The following PPP2R2B variants were observed in gnomAD, a reference collection of about 807,000 sequenced individuals.
PPP2R2B encodes protein phosphatase 2 regulatory subunit Bbeta.
Under a neutral mutation model 46.0 loss-of-function variants are expected in PPP2R2B, and 5 were observed. That is an observed-to-expected ratio of 0.11 (90% confidence interval 0.06 to 0.23). The LOEUF is 0.23. PPP2R2B is among the 10% of genes least tolerant of loss of function. The pLI, the probability that PPP2R2B is intolerant of heterozygous loss-of-function variation, is 1.00. For synonymous variants in PPP2R2B, 215 were observed against 206.7 expected (o/e 1.04, Z -0.34); for missense variants, 367 against 575.0 (o/e 0.64, Z 3.70).
At chr5:146,767,073 G>C (rs558875575) in intron 2 of PPP2R2B, among the ~76,000 whole-genome samples, 4 of 124,974 alleles carry the variant, frequency 3.2e-5, no homozygotes, top group South Asian at 5.3e-4. Context: ...AAAAAAAAAA[G>C]GCTCAGCAGA....
intron 2 of PPP2R2B, among the ~76,000 whole-genome samples, chr5:146,830,277 T>A (rs922926054): frequency 2.0e-5 from 3 of 152,186 alleles, no homozygotes; most frequent in African/African-American, 7.2e-5. Context: ...ATAAGTAAAC[T>A]AAATAATTTA....
intron 2 of PPP2R2B, among the ~76,000 whole-genome samples, chr5:146,844,893 A>G (rs1759891330): frequency 6.6e-6 from 1 of 152,224 alleles, no homozygotes; most frequent in Non-Finnish European, 1.5e-5. Context: ...ACCTGAGGTC[A>G]AGGCAGTCTT....
chr5:146,929,472 C>G (rs1182287789), intron 1 of PPP2R2B, among the ~76,000 whole-genome samples: 1 of 151,498 alleles, frequency 6.6e-6, no homozygotes, highest in African/African-American at 2.4e-5. Context: ...TCAGGAGGAG[C>G]ATAGGTAAAA....
intron 1 of PPP2R2B, among the ~76,000 whole-genome samples, chr5:147,043,000 G>A (rs1354088336): frequency 6.6e-6 from 1 of 151,972 alleles, no homozygotes; most frequent in Admixed American, 6.6e-5. Context: ...AGGAGATCAG[G>A]GGCTAATACC....
chr5:146,593,813 C>G (rs1181277080), intron 8 of PPP2R2B, among the ~76,000 whole-genome samples: 1 of 152,086 alleles, frequency 6.6e-6, no homozygotes, highest in Non-Finnish European at 1.5e-5. Context: ...TTTACATAGG[C>G]CCTTTATTCT....
intron 4 of PPP2R2B, among the ~76,000 whole-genome samples, chr5:146,697,403 A>G (rs1031070305): frequency 2.0e-5 from 3 of 152,204 alleles, no homozygotes; most frequent in African/African-American, 7.2e-5. Flanking sequence ...TCTCTGACCT[A>G]TTTATGTCAA....
At position 146,591,386 on chromosome 5, in the gene PPP2R2B, G is replaced by GTGTC. The variant is rs1389106478; in HGVS notation, c.1053-1164_1053-1161dup. Among the ~76,000 whole-genome samples the GTGTC allele has an allele frequency of 2.6e-5, 4 of 152,178 alleles. No individual in the cohort carries two copies. In the South Asian group the frequency reaches 6.2e-4, roughly 24 times the overall value. ...GCTCATCAAACTGATACTGTGAACTGTGTCTGTGTACTCGAGTGGACTGTT... is the reference window on the plus strand; with the variant it reads ...GCTCATCAAACTGATACTGTGAACTGTGTCTGTCTGTGTACTCGAGTGGACTGTT... On this transcript the variant is annotated intron_variant, in intron 9 of 9. Coordinates refer to ENST00000394411, the MANE Select transcript of PPP2R2B (RefSeq NM_181675.4).
intron 4 of PPP2R2B, among the ~76,000 whole-genome samples, chr5:146,694,175 G>T (rs1561838383): frequency 6.6e-6 from 1 of 152,166 alleles, no homozygotes; most frequent in Non-Finnish European, 1.5e-5. Context: ...CCATTTTCTT[G>T]TATCTGGGCA....
chr5:146,916,469 T>C (rs1247461567), intron 1 of PPP2R2B, among the ~76,000 whole-genome samples: 1 of 152,172 alleles, frequency 6.6e-6, no homozygotes, highest in Non-Finnish European at 1.5e-5. Flanking sequence ...GCTATTGTAC[T>C]CCTACAGCCA....
chr5:146,756,425 A>G (rs1753833382), intron 2 of PPP2R2B, among the ~76,000 whole-genome samples: 1 of 152,208 alleles, frequency 6.6e-6, no homozygotes, highest in South Asian at 2.1e-4. Flanking sequence ...CTGGGAAAGA[A>G]TACACTACGG....
chr5:146,589,818 A>C lies in PPP2R2B; in HGVS notation c.*129T>G. On this transcript the variant is annotated 3_prime_UTR_variant, in exon 10 of 10. Transcript: ENST00000394411. ...AGCTGGGAATGTTGGACTCCTTTTAATTCTATTCCAATCATTTCCTGTATA... is the reference window on the plus strand; with the variant it reads ...AGCTGGGAATGTTGGACTCCTTTTACTTCTATTCCAATCATTTCCTGTATA... The C allele has an allele frequency of 9.7e-7, 1 of 1,034,756 alleles. No individual in the cohort carries two copies. The highest frequency in any genetic ancestry group is 1.4e-6 in the Non-Finnish European group (1 of 709,186). The allele number at this position is 1,034,756 out of a possible 1,614,324, so 64.1% of individuals were successfully genotyped here. A position where few individuals can be genotyped will look rare whatever the true frequency, so the allele number is the denominator to read the frequency against.
chr5:146,719,804 A>AGACGGAGTCTCGCTCTG (rs1780694628), intron 2 of PPP2R2B, among the ~76,000 whole-genome samples: 6 of 127,088 alleles, frequency 4.7e-5, no homozygotes, highest in African/African-American at 2.1e-4. Context: ...ATGAGTTTCT[A>AGACGGAGTCTCGCTCTG]TCATCTAAAA....
intron 2 of PPP2R2B, among the ~76,000 whole-genome samples, chr5:146,840,868 A>G (rs1009603998): frequency 1.3e-5 from 2 of 152,200 alleles, no homozygotes; most frequent in Admixed American, 6.5e-5. Context: ...AATAAAAGAA[A>G]CAAACACGTC....
intron 2 of PPP2R2B, among the ~76,000 whole-genome samples, chr5:147,063,053 A>G (rs1206522669): frequency 6.7e-6 from 1 of 148,264 alleles, no homozygotes; most frequent in Non-Finnish European, 1.5e-5. Context: ...AAGAGAAGGG[A>G]AGGGAAGAGA....
At chr5:146,737,448 T>G (rs1183031134) in intron 2 of PPP2R2B, among the ~76,000 whole-genome samples, 1 of 152,210 alleles carries the variant, frequency 6.6e-6, no homozygotes, top group African/African-American at 2.4e-5. Context: ...CTTTTACCTC[T>G]TTAACACTTA....
chr5:146,656,760 GA>G (rs1734739293), intron 5 of PPP2R2B: 1 of 152,622 alleles, frequency 6.6e-6, no homozygotes. Flanking sequence ...GAAGATGTTG[GA>G]TCAGTAGTCA....
intron 2 of PPP2R2B, chr5:146,707,507 C>T: frequency 1.4e-6 from 1 of 735,800 alleles, no homozygotes. Context: ...GGAGCTGATG[C>T]AGACACCAGG....
At chr5:146,991,213 A>G (rs1753684669) in intron 1 of PPP2R2B, among the ~76,000 whole-genome samples, 1 of 152,204 alleles carries the variant, frequency 6.6e-6, no homozygotes, top group Non-Finnish European at 1.5e-5. Context: ...CAGGAATGCT[A>G]TTACTGGGTA....
At chr5:146,719,804 A>AGACGGAGTC (rs1780694628) in intron 2 of PPP2R2B, among the ~76,000 whole-genome samples, 2 of 127,000 alleles carry the variant, frequency 1.6e-5, no homozygotes, top group African/African-American at 7.2e-5. Context: ...ATGAGTTTCT[A>AGACGGAGTC]TCATCTAAAA....
Sources: gnomAD v4.1 joint callset for allele counts (sites outside exome capture counted in the v4.1 genomes callset) on GRCh38, gnomAD v4.1.1 for gene constraint, MANE v1.5 for transcripts, NCBI Gene and HGNC (gene_info 2026-07-23, HGNC 2026-07-21) for gene names.